EXOC4: variants seen among roughly 807,000 people sequenced by gnomAD.
EXOC4 encodes SEC8-like 1.
Under a neutral mutation model 107.2 loss-of-function variants are expected in EXOC4, and 71 were observed. That is an observed-to-expected ratio of 0.66 (90% CI 0.55 to 0.81). EXOC4 has a LOEUF of 0.81. Among genes scored for constraint, EXOC4 ranks in the 30% least tolerant of loss-of-function variants. EXOC4 has a pLI of 0.00. For missense variants in EXOC4, 1,108 were observed against 1,189.6 expected, an observed-to-expected ratio of 0.93 and a Z score of 1.01; for synonymous variants, 456 against 441.2, an observed-to-expected ratio of 1.03 and a Z score of -0.42.
intron 7 of EXOC4, among the ~76,000 whole-genome samples, chr7:133,452,560 C>T (rs1199728728): frequency 6.7e-6 from 1 of 149,310 alleles, no homozygotes; most frequent in Non-Finnish European, 1.5e-5. Context: ...TCCAGTCAAC[C>T]TTTAGCTCTC....
intron 12 of EXOC4, among the ~76,000 whole-genome samples, chr7:133,907,852 AAAG>A (rs1241985569): frequency 6.6e-6 from 1 of 151,938 alleles, no homozygotes; most frequent in Admixed American, 6.6e-5. Flanking sequence ...AAGGAGAGAG[AAAG>A]AAGGAGGGGA....
intron 10 of EXOC4, among the ~76,000 whole-genome samples, chr7:133,702,337 T>C (rs866366923): frequency 1.6e-3 from 1 of 628 alleles, no homozygotes; most frequent in Non-Finnish European, 3.8e-3. Context: ...CATTCTCTTC[T>C]CTTCTCTTCC....
At chr7:133,721,906 T>G (rs1005443996) in intron 10 of EXOC4, among the ~76,000 whole-genome samples, 18 of 152,244 alleles carry the variant, frequency 1.2e-4, no homozygotes, top group Non-Finnish European at 1.5e-5. Context: ...GAGTTTTTGT[T>G]TGTTTGTTTG....
chr7:133,878,359 C>T (rs764013367), intron 11 of EXOC4, among the ~76,000 whole-genome samples: 6 of 152,154 alleles, frequency 3.9e-5, no homozygotes, highest in Admixed American at 1.3e-4. Context: ...ATACAGTGAA[C>T]GGAACCAGCC....
At chr7:133,844,862 AT>A (rs1349437536) in intron 11 of EXOC4, among the ~76,000 whole-genome samples, 1 of 152,092 alleles carries the variant, frequency 6.6e-6, no homozygotes, top group African/African-American at 2.4e-5. Flanking sequence ...AAAGGAGGTC[AT>A]TTCAGGCACT....
intron 7 of EXOC4, among the ~76,000 whole-genome samples, chr7:133,394,844 A>G (rs1796934800): frequency 6.6e-6 from 1 of 152,122 alleles, no homozygotes; most frequent in Admixed American, 6.5e-5. Flanking sequence ...CATAAAAAAG[A>G]CACTACCAAA....
At chr7:133,646,313 A>G (rs1276559835) in intron 10 of EXOC4, among the ~76,000 whole-genome samples, 2 of 152,200 alleles carry the variant, frequency 1.3e-5, no homozygotes, top group East Asian at 3.9e-4. Context: ...CATAGCTTGG[A>G]AAAGAGGAAG....
chr7:133,660,813 T>C (rs1180827334), intron 10 of EXOC4, among the ~76,000 whole-genome samples: 1 of 152,168 alleles, frequency 6.6e-6, no homozygotes, highest in African/African-American at 2.4e-5. Context: ...GTGTGGGATG[T>C]ACTGCCGCCT....
chr7:133,656,432 A>G (rs1803302033), intron 10 of EXOC4, among the ~76,000 whole-genome samples: 1 of 152,142 alleles, frequency 6.6e-6, no homozygotes, highest in Admixed American at 6.6e-5. Flanking sequence ...TGGAACAGTG[A>G]GAATCACTAT....
intron 10 of EXOC4, among the ~76,000 whole-genome samples, chr7:133,757,062 G>T (rs1285806819): frequency 6.6e-6 from 1 of 152,166 alleles, no homozygotes; most frequent in Non-Finnish European, 1.5e-5. Flanking sequence ...AAATCTATCT[G>T]TGAAATTGGT....
intron 11 of EXOC4, among the ~76,000 whole-genome samples, chr7:133,821,741 C>G (rs1797526375): frequency 6.6e-6 from 1 of 152,146 alleles, no homozygotes; most frequent in African/African-American, 2.4e-5. Context: ...ACCCCAGTGC[C>G]TAAAGCATTT....
intron 9 of EXOC4, among the ~76,000 whole-genome samples, chr7:133,617,607 G>C (rs964663502): frequency 3.9e-5 from 6 of 152,124 alleles, no homozygotes; most frequent in Non-Finnish European, 7.4e-5. Flanking sequence ...CCCAGGACCT[G>C]TGCAACCTGG....
At chr7:133,604,680 C>CTTT (rs1801887479) in intron 9 of EXOC4, among the ~76,000 whole-genome samples, 1 of 70,150 alleles carries the variant, frequency 1.4e-5, no homozygotes, top group Non-Finnish European at 3.1e-5. Context: ...GCACTGATTT[C>CTTT]TTTTTCTTTC....
intron 9 of EXOC4, among the ~76,000 whole-genome samples, chr7:133,517,306 A>G (rs1799895525): frequency 6.6e-6 from 1 of 152,174 alleles, no homozygotes; most frequent in African/African-American, 2.4e-5. Context: ...AGGAAAAGGT[A>G]GTACCTGCTA....
chr7:133,270,230 G>C (rs1793836105), intron 1 of EXOC4, among the ~76,000 whole-genome samples: 1 of 152,176 alleles, frequency 6.6e-6, no homozygotes, highest in African/African-American at 2.4e-5. Context: ...GGAATTGTAA[G>C]TCCAGTAAAC....
intron 14 of EXOC4, among the ~76,000 whole-genome samples, chr7:133,963,906 G>A (rs1041179936): frequency 4.6e-5 from 7 of 152,106 alleles, no homozygotes; most frequent in African/African-American, 1.2e-4. Context: ...TATTTTTAAC[G>A]TGGTTACCTA....
chr7:133,633,339 CAT>C (rs1481893284), intron 10 of EXOC4, among the ~76,000 whole-genome samples: 1 of 152,138 alleles, frequency 6.6e-6, no homozygotes, highest in Non-Finnish European at 1.5e-5. Flanking sequence ...TCAACTGACT[CAT>C]ATTATTTTTC....
chr7:133,960,555 A>G (rs1255778669), intron 14 of EXOC4, among the ~76,000 whole-genome samples: 3 of 152,232 alleles, frequency 2.0e-5, no homozygotes, highest in Non-Finnish European at 4.4e-5. Context: ...AAGTCAATAA[A>G]TGTGATACAC....
intron 7 of EXOC4, among the ~76,000 whole-genome samples, chr7:133,474,740 C>A (rs570494676): frequency 6.6e-6 from 1 of 152,094 alleles, no homozygotes; most frequent in East Asian, 1.9e-4. Flanking sequence ...TCTCTTTTTG[C>A]AGGTTTGTTT....
Sources: gnomAD v4.1 joint callset for allele counts (sites outside exome capture counted in the v4.1 genomes callset) on GRCh38, gnomAD v4.1.1 for gene constraint, MANE v1.5 for transcripts, NCBI Gene and HGNC (gene_info 2026-07-23, HGNC 2026-07-21) for gene names.